Variants in BABAM2 observed in about 807,000 individuals in gnomAD.
BABAM2 encodes BRISC and BRCA1 A complex member 2.
BABAM2 carries 31 observed loss-of-function variants against 54.7 expected under a neutral mutation model. The observed-to-expected ratio is 0.57, with a 90% CI of 0.43 to 0.77. The LOEUF is 0.77. Among genes scored for constraint, BABAM2 ranks in the 30% least tolerant of loss-of-function variants. The probability of loss-of-function intolerance (pLI) is 0.00; values close to 1 mark genes in which losing one functional copy is unlikely to be tolerated. For synonymous variants in BABAM2, 167 were observed against 162.9 expected (o/e 1.03, Z -0.19); for missense variants, 364 against 455.8 (o/e 0.80, Z 1.83).
chr2:28,110,347 G>T (rs1667892002), intron 6 of BABAM2, among the ~76,000 whole-genome samples: 1 of 152,042 alleles, frequency 6.6e-6, no homozygotes, highest in Non-Finnish European at 1.5e-5. Flanking sequence ...GGTGTGGCTG[G>T]GTGTGGTGGC....
At chr2:28,250,713 C>T (rs1197242939) in intron 10 of BABAM2, among the ~76,000 whole-genome samples, 1 of 151,900 alleles carries the variant, frequency 6.6e-6, no homozygotes, top group African/African-American at 2.4e-5. Flanking sequence ...AATTCTCCTG[C>T]CTCAGCCTCC....
chr2:28,115,178 T>G (rs1668497988), intron 6 of BABAM2, among the ~76,000 whole-genome samples: 1 of 119,550 alleles, frequency 8.4e-6, no homozygotes, highest in South Asian at 2.8e-4. Context: ...GTAAATAACT[T>G]TAAAACACAC....
At chr2:28,035,737 C>T (rs1002593442) in intron 5 of BABAM2, among the ~76,000 whole-genome samples, 4 of 152,068 alleles carry the variant, frequency 2.6e-5, no homozygotes, top group African/African-American at 9.7e-5. Flanking sequence ...ATCTTGCTTA[C>T]AATAGCTTAT....
At position 28,194,987 on chromosome 2, in the gene BABAM2, C is replaced by T. The variant is rs547870755; in HGVS notation, c.681-42215C>T. ...CTGGGATTACAGGCGTTAGCCACCA[C>T]GCCCAGCCAACATAGACATTTTAAA... On this transcript the variant is annotated intron_variant, in intron 7 of 11. Transcript: ENST00000379624. Among the ~76,000 whole-genome samples the T allele has an allele frequency of 2.2e-4, 34 of 152,322 alleles. No homozygotes were observed. The South Asian group carries it at 5.0e-3, about 22-fold the overall frequency.
At chr2:27,949,927 T>G (rs1450483396) in intron 3 of BABAM2, among the ~76,000 whole-genome samples, 2 of 152,164 alleles carry the variant, frequency 1.3e-5, no homozygotes, top group Non-Finnish European at 2.9e-5. Flanking sequence ...GCCCTCTCCT[T>G]TTTAAAAATT....
intron 6 of BABAM2, among the ~76,000 whole-genome samples, chr2:28,126,232 T>C (rs1173564963): frequency 6.6e-6 from 1 of 151,372 alleles, no homozygotes; most frequent in Admixed American, 6.6e-5. Flanking sequence ...CATGCTGGTG[T>C]GCTGCACCCA....
chr2:28,058,581 T>C (rs1678613259), intron 6 of BABAM2, among the ~76,000 whole-genome samples: 1 of 151,068 alleles, frequency 6.6e-6, no homozygotes, highest in Non-Finnish European at 1.5e-5. Context: ...ATATAAACAT[T>C]GTATAATTTT....
At chr2:27,959,049 T>C (rs541629312) in intron 3 of BABAM2, among the ~76,000 whole-genome samples, 6 of 152,316 alleles carry the variant, frequency 3.9e-5, no homozygotes, top group African/African-American at 1.2e-4. Context: ...AGGCAACAAA[T>C]CTCCAGTTCT....
Position 28,241,390 on chromosome 2 carries a change from G to A in BABAM2, c.848G>A (p.Gly283Asp). ...ATTGCTGCTTTTCTCAGTCACTTTG[G>A]CACGTAAGTTCTGCCCTGTTTGAAC... Reference protein sequence around the residue: ...EYIAAFLSHFGTGVVEYDAEG... With the variant: ...EYIAAFLSHFDTGVVEYDAEG... The change falls in exon 9 of 12, where the codon GGC becomes GAC. Residue 283 changes from glycine to aspartate, a missense_variant. Gly to Asp is a moderately conservative substitution (Grantham distance 94). Coordinates refer to ENST00000379624, the MANE Select transcript of BABAM2 (RefSeq NM_199191.3). The A allele has an allele frequency of 1.2e-5, 20 of 1,613,758 alleles. No individual in the cohort carries two copies. Among genetic ancestry groups the A allele is most frequent in the Non-Finnish European group, 1.6e-5 (19 of 1,179,734 alleles).
chr2:27,974,301 C>T (rs1000649945), intron 3 of BABAM2, among the ~76,000 whole-genome samples: 2 of 151,804 alleles, frequency 1.3e-5, no homozygotes, highest in South Asian at 2.1e-4. Context: ...GTAAAACTTT[C>T]GAAAAAAATT....
intron 6 of BABAM2, among the ~76,000 whole-genome samples, chr2:28,054,510 G>T (rs1260309923): frequency 6.6e-6 from 1 of 152,144 alleles, no homozygotes; most frequent in Admixed American, 6.5e-5. Context: ...CAAGGTGATG[G>T]TATTAGGAGT....
In BABAM2 at chr2:28,166,401, C is replaced by A. The variant is rs542060756; in HGVS notation, c.680+37021C>A. On this transcript the variant is annotated intron_variant, in intron 7 of 11. Coordinates refer to ENST00000379624, the MANE Select transcript of BABAM2 (RefSeq NM_199191.3). ...AAACTACTCTAGCGAGTTATCCTAT[C>A]AACCAAAATAGTGAATACCACAGGA... Among the ~76,000 whole-genome samples the A allele has an allele frequency of 1.4e-4, 22 of 152,250 alleles. No individual in the cohort carries two copies. The South Asian group carries it at 3.9e-3, about 27-fold the overall frequency.
At chr2:28,150,261 G>A (rs984657098) in intron 7 of BABAM2, among the ~76,000 whole-genome samples, 1 of 152,196 alleles carries the variant, frequency 6.6e-6, no homozygotes, top group South Asian at 2.1e-4. Context: ...AAAGTAGAGG[G>A]AATATTACAA....
chr2:28,173,392 A>G (rs1237352189), intron 7 of BABAM2, among the ~76,000 whole-genome samples: 1 of 152,246 alleles, frequency 6.6e-6, no homozygotes, highest in African/African-American at 2.4e-5. Flanking sequence ...ACTTCAGCTC[A>G]GGACCAGGTA....
intron 7 of BABAM2, among the ~76,000 whole-genome samples, chr2:28,183,273 T>C (rs1028222478): frequency 6.6e-6 from 1 of 152,002 alleles, no homozygotes; most frequent in African/African-American, 2.4e-5. Flanking sequence ...ACCCCATCTC[T>C]ACTAAAAATA....
chr2:27,941,214 T>C (rs150216845), intron 3 of BABAM2, among the ~76,000 whole-genome samples: 23 of 152,302 alleles, frequency 1.5e-4, no homozygotes, highest in African/African-American at 5.3e-4. Context: ...TATTACCCTG[T>C]TTCAGGAATT....
chr2:28,107,210 A>G (rs985964938), intron 6 of BABAM2, among the ~76,000 whole-genome samples: 3 of 151,992 alleles, frequency 2.0e-5, no homozygotes, highest in African/African-American at 7.3e-5. Flanking sequence ...CTCTATGTGA[A>G]CATCTTTCTT....
At chr2:28,205,374 G>A (rs796150308) in intron 7 of BABAM2, among the ~76,000 whole-genome samples, 28 of 152,104 alleles carry the variant, frequency 1.8e-4, no homozygotes, top group East Asian at 5.8e-4. Context: ...ATGATGGCAC[G>A]TGCCTGTGGT....
Position 28,141,988 on chromosome 2 carries a change from G to A in BABAM2, c.680+12608G>A, listed in dbSNP as rs144343607. Among the ~76,000 whole-genome samples the A allele has an allele frequency of 4.7e-4, 72 of 152,292 alleles. 1 individual carries two copies. The East Asian group carries it at 0.012, about 25-fold the overall frequency. On this transcript the variant is annotated intron_variant, in intron 7 of 11. Transcript: ENST00000379624. ...GTAATGGTATGGTTCTTGATTACAA[G>A]TTTGGTGTAAGTAGGCAGTGACTAA...
Sources: allele counts gnomAD v4.1 joint callset (sites outside exome capture counted in the v4.1 genomes callset), GRCh38; gene constraint gnomAD v4.1.1; transcripts MANE v1.5; gene names NCBI Gene and HGNC (gene_info 2026-07-23, HGNC 2026-07-21).